SLC17A1: variants seen among roughly 807,000 people sequenced by gnomAD.
The protein encoded by SLC17A1 is sodium-dependent phosphate transport protein 1.
In SLC17A1, 51 loss-of-function variants were observed where a neutral mutation model predicts 53.5. The ratio of observed to expected loss-of-function variants is 0.95; its 90% CI spans 0.76 to 1.20. The LOEUF is 1.20. Among genes scored for constraint, SLC17A1 ranks in the 50% most tolerant of loss-of-function variants. The probability of loss-of-function intolerance (pLI) is 0.00; values close to 1 mark genes in which losing one functional copy is unlikely to be tolerated. For synonymous variants in SLC17A1, 179 were observed against 198.8 expected (o/e 0.90, Z 0.84); for missense variants, 538 against 568.2 (o/e 0.95, Z 0.54).
chr6:25,813,150 T>A lies in SLC17A1; in HGVS notation c.680A>T (p.His227Leu), dbSNP rs1764218920. The change falls in exon 7 of 13, where the codon CAC (histidine) becomes CTC (leucine). Residue 227 changes from histidine (H) to leucine (L), a missense_variant. Physicochemically the swap from His to Leu is moderately conservative, Grantham distance 99. Transcript: ENST00000244527. Reference protein sequence around the residue: ...FVLFYDDPKDHPCISISEKEY... With the variant: ...FVLFYDDPKDLPCISISEKEY... ...CTTTTCACTGATGCTTATACATGGG[T>A]GGTCTTTGGGGTCATCATAAAACAG... The A allele has an allele frequency of 6.2e-7, 1 of 1,614,138 alleles. No individual in the cohort carries two copies.
rs190484212 is a variant in SLC17A1 at position 25,810,374 on chromosome 6, G to A, written c.1178+1024C>T. On this transcript the variant is annotated intron_variant, in intron 10 of 12. Coordinates refer to ENST00000244527, the MANE Select transcript of SLC17A1 (RefSeq NM_005074.5). ...CTGTAGACTATACATATAATAAGCG[G>A]TTAATATCCAAAGAATACAAGGAAC... Among the ~76,000 whole-genome samples, 286 of 152,122 alleles carry A rather than the reference G, an allele frequency of 1.9e-3. 1 individual carries two copies. Among genetic ancestry groups the A allele is most frequent in the African/African-American group, 5.9e-3 (243 of 41,516 alleles).
At chr6:25,797,466 T>C (rs1174063206) in intron 12 of SLC17A1, among the ~76,000 whole-genome samples, 1 of 152,178 alleles carries the variant, frequency 6.6e-6, no homozygotes. Context: ...TCTTTGACAT[T>C]TATAATAATA....
the SLC17A1 span, among the ~76,000 whole-genome samples, chr6:25,740,166 T>C: frequency 6.6e-6 from 1 of 152,164 alleles, no homozygotes; most frequent in African/African-American, 2.4e-5. Flanking sequence ...TGGAGAAATC[T>C]GGGATCAAAT....
the SLC17A1 span, chr6:25,761,777 T>C: frequency 3.7e-6 from 2 of 539,218 alleles, no homozygotes; most frequent in African/African-American, 1.9e-5. Flanking sequence ...AATTGGTTAG[T>C]GATAGAGCCA....
At position 25,819,119 on chromosome 6, in the gene SLC17A1, T is replaced by A; in HGVS notation, c.565A>T (p.Thr189Ser). ...CCCAGAGATTCACAGATAACTCCAG[T>A]CACAAGTAGGACAATAAAGGGTCCC... ...LLGPFIVLLVTGVICESLGWP... is the reference protein window; with the variant it reads ...LLGPFIVLLVSGVICESLGWP... Residue 189 changes from threonine to serine, a missense_variant, in exon 6 of 13, where the codon ACT (threonine) becomes TCT (serine). Physicochemically the swap from Thr to Ser is moderately conservative, Grantham distance 58. Coordinates refer to ENST00000244527, the MANE Select transcript of SLC17A1 (RefSeq NM_005074.5). 6.2e-7 allele frequency: 1 copy of A among 1,611,068 alleles called. No homozygotes were observed. The highest frequency in any genetic ancestry group is 8.5e-7 in the Non-Finnish European group (1 of 1,178,952).
the SLC17A1 span, chr6:25,726,925 C>CT: frequency 1.2e-6 from 2 of 1,613,260 alleles, no homozygotes; most frequent in Non-Finnish European, 1.7e-6. Flanking sequence ...GAGGTGTCAT[C>CT]TAAAGGTGCT....
chr6:25,778,283 T>C (rs892834934), downstream of SLC17A1, among the ~76,000 whole-genome samples: 1 of 152,002 alleles, frequency 6.6e-6, no homozygotes, highest in African/African-American at 2.4e-5. Context: ...CACTGCCATA[T>C]ACCATTCACT....
chr6:25,810,263 G>A (rs534715985), intron 10 of SLC17A1, among the ~76,000 whole-genome samples: 14 of 151,896 alleles, frequency 9.2e-5, no homozygotes, highest in Non-Finnish European at 8.8e-5. Flanking sequence ...CAGACAAATG[G>A]GATTATATCA....
At chr6:25,746,744 G>T in the SLC17A1 span, among the ~76,000 whole-genome samples, 9 of 152,136 alleles carry the variant, frequency 5.9e-5, no homozygotes, top group African/African-American at 1.7e-4. Flanking sequence ...AGCTTCTAAG[G>T]TGGCACCCTA....
the SLC17A1 span, among the ~76,000 whole-genome samples, chr6:25,765,491 C>T: frequency 1.3e-5 from 2 of 152,134 alleles, no homozygotes; most frequent in Non-Finnish European, 2.9e-5. Context: ...GCTGTGCTTA[C>T]GTTATTACGG....
the SLC17A1 span, chr6:25,776,812 G>C: frequency 6.9e-5 from 111 of 1,613,772 alleles, no homozygotes; most frequent in Non-Finnish European, 8.7e-5. Flanking sequence ...CCTACCCCAG[G>C]GGTTCTCTTC....
intron 12 of SLC17A1, among the ~76,000 whole-genome samples, chr6:25,797,581 T>C (rs1401262485): frequency 6.6e-6 from 1 of 152,084 alleles, no homozygotes; most frequent in Non-Finnish European, 1.5e-5. Context: ...TTAAGTTCTT[T>C]CTAATCTAGA....
the SLC17A1 span, chr6:25,726,052 TTC>T: frequency 1.5e-6 from 2 of 1,329,566 alleles, no homozygotes; most frequent in Non-Finnish European, 2.1e-6. Context: ...TACAGCCTTT[TTC>T]TGAGACGGTA....
chr6:25,779,242 C>T (rs1246295815), downstream of SLC17A1: 23 of 1,602,574 alleles, frequency 1.4e-5, 1 homozygote, highest in South Asian at 2.2e-5. Flanking sequence ...TGTTTTCCCT[C>T]ACAGACATTT....
intron 6 of SLC17A1, among the ~76,000 whole-genome samples, chr6:25,816,413 G>T (rs1764358442): frequency 6.6e-6 from 1 of 152,234 alleles, no homozygotes. Context: ...CAATAGCCTT[G>T]GTTCTATTTA....
the SLC17A1 span, chr6:25,726,938 C>T: frequency 5.6e-6 from 9 of 1,613,726 alleles, no homozygotes; most frequent in African/African-American, 1.3e-5. Context: ...AAGGTGCTAC[C>T]ATTTCCAAGA....
chr6:25,727,102 A>C, the SLC17A1 span: 1 of 1,614,114 alleles, frequency 6.2e-7, no homozygotes, highest in African/African-American at 1.3e-5. Flanking sequence ...AGCATTATGA[A>C]TTCCTTCGTC....
At chr6:25,815,326 A>T (rs1764311091) in intron 6 of SLC17A1, among the ~76,000 whole-genome samples, 1 of 152,068 alleles carries the variant, frequency 6.6e-6, no homozygotes, top group African/African-American at 2.4e-5. Context: ...CTTAAAATTA[A>T]TAATAAACCT....
rs1161238514 is a variant in SLC17A1, at chr6:25,811,283, T to A, written c.1178+115A>T. 2.5e-6 allele frequency: 3 copies of A among 1,180,158 alleles called. No individual in the cohort carries two copies. The African/African-American group carries it at 4.6e-5, about 18-fold the overall frequency. 73.1% of individuals were successfully genotyped at this position (1,180,158 alleles called of 1,614,324 possible). On this transcript the variant is annotated intron_variant, in intron 10 of 12. Coordinates refer to ENST00000244527, the MANE Select transcript of SLC17A1 (RefSeq NM_005074.5). ...TGAGGTAATGCATATGTTACTTTGC[T>A]CGATTTTAGCCATTCCACAAAGTAT...
Sources: allele counts gnomAD v4.1 joint callset (sites outside exome capture counted in the v4.1 genomes callset), GRCh38; gene constraint gnomAD v4.1.1; transcripts MANE v1.5; gene names NCBI Gene and HGNC (gene_info 2026-07-23, HGNC 2026-07-21).